The following NUP35 variants were observed in gnomAD, a reference collection of about 807,000 sequenced individuals.
NUP35 encodes nucleoporin NUP35.
A neutral mutation model predicts 41.5 loss-of-function variants in NUP35; 25 were observed. The observed-to-expected ratio is 0.60, with a 90% CI of 0.44 to 0.84. The LOEUF (loss-of-function observed/expected upper bound fraction) is 0.84. Ranked by LOEUF, NUP35 falls within the 40% of genes least tolerant of loss-of-function variation. The probability of loss-of-function intolerance (pLI) is 0.00; values close to 1 mark genes in which losing one functional copy is unlikely to be tolerated. For missense variants in NUP35, 396 were observed against 396.6 expected (o/e 1.00, Z 0.01); for synonymous variants, 149 against 130.7 (o/e 1.14, Z -0.96).
At chr2:183,151,361 A>G (rs998505093) in intron 4 of NUP35, 147 bp from the exon 5 acceptor site, 1 of 605,116 alleles carries the variant, frequency 1.7e-6, no homozygotes, top group Admixed American at 3.3e-5. Context: ...GTAGCATGAA[A>G]TTGCTATTTG....
chr2:183,138,265 ATATATTTT>A (rs1274587834), intron 4 of NUP35, among the ~76,000 whole-genome samples: 776 of 69,184 alleles, frequency 0.011, 16 homozygotes, highest in South Asian at 0.065. Flanking sequence ...ATATATATAT[ATATATTTT>A]TTTTTTTTTT....
intron 4 of NUP35, among the ~76,000 whole-genome samples, chr2:183,147,702 A>G (rs936165589): frequency 6.6e-6 from 1 of 152,086 alleles, no homozygotes; most frequent in Non-Finnish European, 1.5e-5. Flanking sequence ...ATAGTTTTTT[A>G]TAATTCTGTG....
intron 4 of NUP35, among the ~76,000 whole-genome samples, chr2:183,141,862 T>A (rs1369426660): frequency 2.7e-4 from 41 of 152,230 alleles, no homozygotes; most frequent in Non-Finnish European, 1.5e-5. Context: ...GTTTGTAGTG[T>A]TGAGTTCTTT....
At chr2:183,123,665 G>A, upstream of NUP35, 1 of 410,548 alleles carries the variant, frequency 2.4e-6, no homozygotes, top group Non-Finnish European at 3.3e-6. Context: ...TAGTATTTGA[G>A]CAAAACTAAA....
intron 3 of NUP35, among the ~76,000 whole-genome samples, chr2:183,132,594 G>T (rs960888905): frequency 1.3e-5 from 2 of 152,114 alleles, no homozygotes; most frequent in African/African-American, 4.8e-5. Context: ...TTAAAAAATT[G>T]TTTGTTGCAA....
At chr2:183,152,977 T>C (rs1305654908) in intron 5 of NUP35, among the ~76,000 whole-genome samples, 1 of 152,216 alleles carries the variant, frequency 6.6e-6, no homozygotes, top group Non-Finnish European at 1.5e-5. Flanking sequence ...TAGGGTTCCA[T>C]GGCTGGACAG....
intron 4 of NUP35, among the ~76,000 whole-genome samples, chr2:183,136,188 T>A (rs1315684196): frequency 6.6e-6 from 1 of 152,232 alleles, no homozygotes; most frequent in East Asian, 1.9e-4. Flanking sequence ...TTTCCACATT[T>A]TTACTTGGGT....
At chr2:183,144,845 T>C in intron 4 of NUP35, among the ~76,000 whole-genome samples, 1 of 152,228 alleles carries the variant, frequency 6.6e-6, no homozygotes, top group Non-Finnish European at 1.5e-5. Flanking sequence ...GTATAAGTAA[T>C]TATATTTTTC....
chr2:183,131,826 A>T (rs1372859737), intron 3 of NUP35, among the ~76,000 whole-genome samples: 7 of 152,188 alleles, frequency 4.6e-5, no homozygotes. Context: ...TGTGCCTACT[A>T]GAAATGGTAA....
chr2:183,121,915 T>TTATTATTATTATTATTA (rs1553526827), upstream of NUP35, among the ~76,000 whole-genome samples: 1 of 145,322 alleles, frequency 6.9e-6, no homozygotes, highest in Non-Finnish European at 1.5e-5. Flanking sequence ...GGCCATTCTT[T>TTATTATTATTATTATTA]TTATTATTAT....
intron 3 of NUP35, among the ~76,000 whole-genome samples, chr2:183,131,760 G>A (rs1235621047): frequency 6.6e-6 from 1 of 152,164 alleles, no homozygotes; most frequent in Non-Finnish European, 1.5e-5. Flanking sequence ...AAATGATAAT[G>A]TTTTGGATGT....
intron 4 of NUP35, 144 bp downstream of exon 4, chr2:183,133,767 A>C: frequency 1.9e-6 from 1 of 539,264 alleles, no homozygotes; most frequent in South Asian, 4.7e-5. Context: ...TTAATATAAA[A>C]TGTTTGTTGG....
At position 183,161,182 on chromosome 2, in the gene NUP35, T is replaced by C. The variant is rs370967150; in HGVS notation, c.*51T>C. The C allele has an allele frequency of 7.3e-7, 1 of 1,361,116 alleles. No individual in the cohort carries two copies. Among genetic ancestry groups the C allele is most frequent in the African/African-American group, 1.4e-5 (1 of 69,838 alleles). The allele number at this position is 1,361,116 out of a possible 1,614,324, so 84.3% of individuals were successfully genotyped here. ...CACTAAAACAGAGTTAGCAGAGTGC[T>C]GCTGGTTCCTTCGGTTAGTTATATA... On this transcript the variant is annotated 3_prime_UTR_variant, in exon 9 of 9. Transcript: ENST00000295119.
chr2:183,152,355 A>G (rs1228389917), intron 5 of NUP35, among the ~76,000 whole-genome samples: 2 of 152,128 alleles, frequency 1.3e-5, no homozygotes, highest in East Asian at 1.9e-4. Flanking sequence ...AGTTCTTTAC[A>G]TGATTCGTGA....
intron 4 of NUP35, among the ~76,000 whole-genome samples, chr2:183,139,446 T>A (rs750854988): frequency 3.3e-5 from 5 of 152,106 alleles, no homozygotes; most frequent in Non-Finnish European, 7.4e-5. Context: ...GTGGCCTCCA[T>A]ACAATATGTC....
chr2:183,151,568 C>T lies in NUP35; in HGVS notation c.458C>T (p.Ala153Val), dbSNP rs766867781. ...GQPRKTTLSP[A>V]QLDPFYTQGD... Reference sequence around the variant, plus strand: ...CCACGAAAGACGACATTATCTCCTGCCCAGTTGGATCCTTTTTATACTCAA... The same window carrying T: ...CCACGAAAGACGACATTATCTCCTGTCCAGTTGGATCCTTTTTATACTCAA... Residue 153 changes from alanine to valine, a missense_variant, in exon 5 of 9, where the codon GCC becomes GTC. Transcript: ENST00000295119. 1.2e-6 allele frequency: 2 copies of T among 1,613,816 alleles called. No homozygotes were observed. Among genetic ancestry groups the T allele is most frequent in the South Asian group, 2.2e-5 (2 of 91,080 alleles).
intron 4 of NUP35, 48 bp from the exon 5 acceptor site, chr2:183,151,460 A>C: frequency 6.4e-7 from 1 of 1,566,176 alleles, no homozygotes; most frequent in Non-Finnish European, 8.7e-7. Flanking sequence ...TTTAGAATCA[A>C]TCGAGGTGTT....
intron 4 of NUP35, among the ~76,000 whole-genome samples, chr2:183,145,903 A>G (rs371048984): frequency 5.9e-5 from 9 of 152,332 alleles, no homozygotes; most frequent in African/African-American, 1.9e-4. Flanking sequence ...ATGCAATAAT[A>G]TCATTCTAAC....
upstream of NUP35, chr2:183,120,018 ATAGT>A (rs1700044642): frequency 2.6e-5 from 1 of 38,226 alleles, no homozygotes; most frequent in Non-Finnish European, 1.0e-4. Context: ...GACAATGTAT[ATAGT>A]ATAATGAAGG....
Sources: allele counts gnomAD v4.1 joint callset (sites outside exome capture counted in the v4.1 genomes callset), GRCh38; gene constraint gnomAD v4.1.1; transcripts MANE v1.5; gene names NCBI Gene and HGNC (gene_info 2026-07-23, HGNC 2026-07-21).